Variants in PTPN13 observed in about 807,000 individuals in gnomAD.
PTPN13 encodes the protein protein tyrosine phosphatase non-receptor type 13.
A neutral mutation model predicts 284.0 loss-of-function variants in PTPN13; 191 were observed. The ratio of observed to expected loss-of-function variants is 0.67; its 90% CI spans 0.60 to 0.76. PTPN13 has a LOEUF of 0.76. PTPN13 is among the 30% of genes least tolerant of loss of function. The probability of loss-of-function intolerance (pLI) is 0.00; values close to 1 mark genes in which losing one functional copy is unlikely to be tolerated. For synonymous variants in PTPN13, 986 were observed against 1,022.3 expected, an observed-to-expected ratio of 0.96 and a Z score of 0.68; for missense variants, 2,797 against 2,939.9, an observed-to-expected ratio of 0.95 and a Z score of 1.12.
At chr4:86,795,113 A>G (rs1338416122) in intron 40 of PTPN13, among the ~76,000 whole-genome samples, 1 of 152,236 alleles carries the variant, frequency 6.6e-6, no homozygotes, top group Non-Finnish European at 1.5e-5. Context: ...GCAACCTACC[A>G]AATGGGAGAA....
chr4:86,767,370 C>T (rs1156971264), intron 27 of PTPN13, among the ~76,000 whole-genome samples: 1 of 151,732 alleles, frequency 6.6e-6, no homozygotes, highest in Non-Finnish European at 1.5e-5. Context: ...CTCGGCCTGT[C>T]AAGTAGCTGG....
intron 2 of PTPN13, among the ~76,000 whole-genome samples, chr4:86,666,385 C>G (rs532757699): frequency 6.6e-6 from 1 of 152,050 alleles, no homozygotes; most frequent in Non-Finnish European, 1.5e-5. Flanking sequence ...AGAGAAAGAA[C>G]AGCTCTCTCT....
Position 86,671,278 on chromosome 4 carries a change from T to G in PTPN13, c.116-1087T>G, listed in dbSNP as rs184181471. Among the ~76,000 whole-genome samples the G allele has an allele frequency of 8.4e-3, 1,276 of 152,334 alleles. 6 individuals are homozygous for G. The highest frequency in any genetic ancestry group is 0.013 in the Non-Finnish European group (909 of 68,026). Reference sequence around the variant, plus strand: ...AGTTCTGGTTGTTTTCAGGAAAGTATAGATACTGTATGATAAACTTTTCCA... The same window carrying G: ...AGTTCTGGTTGTTTTCAGGAAAGTAGAGATACTGTATGATAAACTTTTCCA... On this transcript the variant is annotated intron_variant, in intron 2 of 47. Transcript: ENST00000411767.
At chr4:86,664,013 G>A (rs759970976) in intron 2 of PTPN13, among the ~76,000 whole-genome samples, 4 of 152,140 alleles carry the variant, frequency 2.6e-5, no homozygotes, top group Non-Finnish European at 5.9e-5. Context: ...CCATTTTAAT[G>A]TCCCTAATGA....
intron 1 of PTPN13, among the ~76,000 whole-genome samples, chr4:86,596,644 G>A (rs1763834196): frequency 6.6e-6 from 1 of 152,132 alleles, no homozygotes; most frequent in Non-Finnish European, 1.5e-5. Flanking sequence ...AGAAAAACGG[G>A]TGTTGATTTG....
intron 3 of PTPN13, among the ~76,000 whole-genome samples, chr4:86,678,166 G>A (rs912698589): frequency 1.3e-5 from 2 of 152,212 alleles, no homozygotes; most frequent in Non-Finnish European, 2.9e-5. Context: ...GTAATGTGTT[G>A]TGGGGAAAGG....
chr4:86,719,636 G>T (rs1315056755), intron 9 of PTPN13, among the ~76,000 whole-genome samples: 1 of 152,130 alleles, frequency 6.6e-6, no homozygotes, highest in Non-Finnish European at 1.5e-5. Flanking sequence ...GTCAGCATCT[G>T]TAATTTTTTT....
At chr4:86,672,264 G>A in intron 2 of PTPN13, 101 bp from the exon 3 acceptor site, 1 of 937,374 alleles carries the variant, frequency 1.1e-6, no homozygotes, top group Non-Finnish European at 1.5e-6. Context: ...ATACAAATAG[G>A]CTGCATTATC....
chr4:86,708,472 T>A (rs562261097), intron 7 of PTPN13, among the ~76,000 whole-genome samples: 1 of 152,254 alleles, frequency 6.6e-6, no homozygotes, highest in Admixed American at 6.5e-5. Context: ...GTGTCTGTAC[T>A]CATGATAACG....
intron 40 of PTPN13, among the ~76,000 whole-genome samples, chr4:86,786,624 C>T (rs1182793371): frequency 6.6e-6 from 1 of 152,214 alleles, no homozygotes; most frequent in African/African-American, 2.4e-5. Context: ...GATGCTCTTT[C>T]ATATAATCAG....
chr4:86,607,688 T>C (rs80184743), intron 1 of PTPN13, among the ~76,000 whole-genome samples: 7,045 of 152,080 alleles, frequency 0.046, 220 homozygotes, highest in African/African-American at 0.06. Context: ...AAAAATCGCC[T>C]CAATTTCCCT....
At chr4:86,734,959 G>A (rs1332691675) in intron 14 of PTPN13, 84 bp downstream of exon 14, 4 of 1,434,312 alleles carry the variant, frequency 2.8e-6, no homozygotes, top group African/African-American at 2.8e-5. Context: ...TGATTCAGGT[G>A]TTTGATGTTT....
intron 1 of PTPN13, among the ~76,000 whole-genome samples, chr4:86,599,370 A>G (rs2149145695): frequency 6.6e-6 from 1 of 152,250 alleles, no homozygotes; most frequent in East Asian, 1.9e-4. Context: ...CCTTTTTACT[A>G]TTTGGATGAG....
At chr4:86,622,557 T>C (rs569007267) in intron 1 of PTPN13, among the ~76,000 whole-genome samples, 1 of 152,310 alleles carries the variant, frequency 6.6e-6, no homozygotes, top group East Asian at 1.9e-4. Context: ...GATTACTGTT[T>C]TAGATTAAAA....
chr4:86,774,657 TA>T, intron 33 of PTPN13, 126 bp downstream of exon 33: 2 of 739,590 alleles, frequency 2.7e-6, no homozygotes, highest in Non-Finnish European at 1.9e-6. Context: ...TTCCACCACT[TA>T]AAAGTAAAGG....
chr4:86,746,915 C>T (rs1279302226), intron 17 of PTPN13, among the ~76,000 whole-genome samples: 1 of 152,144 alleles, frequency 6.6e-6, no homozygotes, highest in Non-Finnish European at 1.5e-5. Flanking sequence ...TTTACACATG[C>T]TAAAATACAA....
intron 7 of PTPN13, among the ~76,000 whole-genome samples, chr4:86,712,438 CT>C (rs1436613225): frequency 3.3e-5 from 5 of 151,712 alleles, no homozygotes; most frequent in African/African-American, 9.7e-5. Context: ...GCAAGATTCT[CT>C]TGGTAAAGAA....
At chr4:86,749,041 C>T (rs996364023) in intron 17 of PTPN13, among the ~76,000 whole-genome samples, 8 of 152,144 alleles carry the variant, frequency 5.3e-5, no homozygotes, top group Non-Finnish European at 8.8e-5. Context: ...ACTTCCACTT[C>T]AGAGAGAGAT....
intron 10 of PTPN13, among the ~76,000 whole-genome samples, chr4:86,727,845 G>C (rs1214236165): frequency 6.7e-6 from 1 of 148,786 alleles, no homozygotes; most frequent in African/African-American, 2.5e-5. Flanking sequence ...GTTATTTCTT[G>C]CCTTTTGCTA....
Sources: allele counts gnomAD v4.1 joint callset (sites outside exome capture counted in the v4.1 genomes callset), GRCh38; gene constraint gnomAD v4.1.1; transcripts MANE v1.5; gene names NCBI Gene and HGNC (gene_info 2026-07-23, HGNC 2026-07-21).